The following NXF3 variants were observed in gnomAD, a reference collection of about 807,000 sequenced individuals.
The protein encoded by NXF3 is nuclear RNA export factor 3.
A neutral mutation model predicts 48.4 loss-of-function variants in NXF3; 34 were observed. That is an observed-to-expected ratio of 0.70 (90% CI 0.53 to 0.93). The LOEUF is 0.93. Ranked by LOEUF, NXF3 falls within the 40% of genes least tolerant of loss-of-function variation. The pLI is 0.00. For missense variants in NXF3, 359 were observed against 406.1 expected (o/e 0.88, Z 1.00); for synonymous variants, 132 against 145.7 (o/e 0.91, Z 0.68).
chrX:103,088,405 C>T, intron 1 of NXF3: 2 of 598,608 alleles, frequency 3.3e-6, no homozygotes, highest in East Asian at 6.8e-5. Flanking sequence ...AAAACATTGA[C>T]TTTGCGATTT....
rs1344811763 is a variant in NXF3, at chrX:103,077,667, G to T, written c.1531C>A (p.Pro511Thr). 4.1e-6 allele frequency: 5 copies of T among 1,211,286 alleles called. No homozygotes were observed. Among genetic ancestry groups the T allele is most frequent in the Non-Finnish European group, 5.6e-6 (5 of 895,091 alleles). ...GGCACGGAGCTGGAGAAGGCTGTGG[G>T]CACTAGGGTGAACAAGGCACTCTGG... The part of the protein sequence containing the change: ...GTQSALFTLV[P>T]TAFSSSVPAF... Residue 511 changes from proline to threonine, a missense_variant, in exon 18 of 20, where the codon CCC becomes ACC. Physicochemically the swap from Pro to Thr is conservative, Grantham distance 38. Transcript: ENST00000395065.
At chrX:103,085,717 C>T in intron 1 of NXF3, among the ~76,000 whole-genome samples, 1 of 109,137 alleles carries the variant, frequency 9.2e-6, no homozygotes, top group Non-Finnish European at 1.9e-5. Context: ...TGCTGGCTAA[C>T]ATGATGAAAC....
At chrX:103,086,953 G>A (rs920470152) in intron 1 of NXF3, among the ~76,000 whole-genome samples, 10 of 112,310 alleles carry the variant, frequency 8.9e-5, no homozygotes, top group Admixed American at 4.7e-4. Flanking sequence ...CTGGGCCCTC[G>A]CCAGCTCCAG....
chrX:103,079,508 G>T, intron 14 of NXF3, 34 bp from the exon 15 acceptor site: 1 of 1,185,312 alleles, frequency 8.4e-7, no homozygotes, highest in Middle Eastern at 2.3e-4. Context: ...GATTTGGGGG[G>T]CTGCCACACC....
Position 103,083,514 on chromosome X carries a change from G to T in NXF3, c.436-12C>A. 1 of 1,192,302 alleles carries T rather than the reference G, an allele frequency of 8.4e-7. No individual in the cohort carries two copies. The highest frequency in any genetic ancestry group is 1.1e-6 in the Non-Finnish European group (1 of 877,566). On this transcript the variant is annotated splice_polypyrimidine_tract_variant and intron_variant, in intron 4 of 19. Transcript: ENST00000395065. ...TTTTCATAGTGAAACTATAGGGAGA[G>T]TTGCAAGAGAAATGAAATATGAGGC... is the stretch of plus-strand genomic sequence containing the variant.
Position 103,075,826 on chromosome X carries a change from C to A in NXF3, c.*224G>T. 1 of 123,913 alleles carries A rather than the reference C, an allele frequency of 8.1e-6. No individual in the cohort carries two copies. Among genetic ancestry groups the A allele is most frequent in the Non-Finnish European group, 1.7e-5 (1 of 60,490 alleles). The allele number at this position is 123,913 out of a possible 1,213,427, so 10.2% of individuals were successfully genotyped here. A position where few individuals can be genotyped will look rare whatever the true frequency, so the allele number is the denominator to read the frequency against. On this transcript the variant is annotated 3_prime_UTR_variant, in exon 20 of 20. Coordinates refer to ENST00000395065, the MANE Select transcript of NXF3 (RefSeq NM_022052.2). ...TCAAATGGATTTTGCAGGGATTTGA[C>A]ATAACAAGACACCATACTTTATTGT... is the stretch of plus-strand genomic sequence containing the variant.
Position 103,083,668 on chromosome X carries a change from C to A in NXF3, c.376G>T (p.Glu126Ter). Residue 126 changes from glutamate to a stop codon, truncating the protein, a stop_gained, in exon 4 of 20, where the codon GAG becomes TAG. Coordinates refer to ENST00000395065, the MANE Select transcript of NXF3 (RefSeq NM_022052.2). LOFTEE classifies it high-confidence loss of function. ...ITVPFGIKYN[E>*]KWLLNLIQNE... is the part of the protein sequence containing the mutation. ...TGAATCAAATTCAGCAGCCACTTCT[C>A]ATTGTATTTTATGCCAAAGGGAACC... is the stretch of plus-strand genomic sequence containing the variant. The A allele has an allele frequency of 8.3e-7, 1 of 1,207,057 alleles. No homozygotes were observed. The highest frequency in any genetic ancestry group is 1.8e-5 in the South Asian group (1 of 56,830).
intron 3 of NXF3, 126 bp downstream of exon 3, chrX:103,084,216 C>T: frequency 1.3e-6 from 1 of 779,547 alleles, no homozygotes; most frequent in Non-Finnish European, 1.9e-6. Context: ...GATGTTAACT[C>T]CTAGTAATAA....
chrX:103,084,523 C>T (rs771930300), intron 2 of NXF3, 28 bp from the exon 3 acceptor site: 1 of 1,203,843 alleles, frequency 8.3e-7, no homozygotes, highest in South Asian at 1.8e-5. Context: ...AAAGGTAGTT[C>T]ACATATGCTC....
Position 103,079,568 on chromosome X carries a change from T to C in NXF3, c.1219+16A>G. On this transcript the variant is annotated intron_variant, in intron 14 of 19. Transcript: ENST00000395065. ...CACCCCCTTACCCTGCCCAGACTTC[T>C]CCATCACACACTTACAGGGGTCCTT... The C allele has an allele frequency of 8.3e-7, 1 of 1,207,406 alleles. No individual in the cohort carries two copies. The highest frequency in any genetic ancestry group is 1.1e-6 in the Non-Finnish European group (1 of 891,478).
rs376011627 is a variant in NXF3, at chrX:103,083,186, G to C, written c.621+7C>G. ...TGTGTGAACAACTTGCCATGAGTCT[G>C]TGTTACCTTTATCTGCTCCACCTTT... On this transcript the variant is annotated splice_region_variant and intron_variant, in intron 6 of 19. Coordinates refer to ENST00000395065, the MANE Select transcript of NXF3 (RefSeq NM_022052.2). 6 of 1,207,648 alleles carry C rather than the reference G, an allele frequency of 5.0e-6. No individual in the cohort carries two copies. In the African/African-American group the frequency reaches 1.1e-4, roughly 21 times the overall value.
In NXF3 at chrX:103,083,246, T is replaced by C. The variant is rs1922060787; in HGVS notation, c.568A>G (p.Ile190Val). 2.5e-6 allele frequency: 3 copies of C among 1,211,474 alleles called. No individual in the cohort carries two copies. Among genetic ancestry groups the C allele is most frequent in the Non-Finnish European group, 3.4e-6 (3 of 895,406 alleles). ...KISIFVNPAG[I>V]PHFVHRELKS... ...AGCTCCCTGTGCACAAAGTGGGGTA[T>C]GCCAGCAGGGTTGACAAAGATTGAT... Residue 190 changes from isoleucine to valine, a missense_variant, in exon 6 of 20, where the codon ATA (isoleucine) becomes GTA (valine). Transcript: ENST00000395065.
chrX:103,088,333 C>A, intron 1 of NXF3: 1 of 541,628 alleles, frequency 1.8e-6, no homozygotes, highest in South Asian at 2.5e-5. Flanking sequence ...TGAACAAACC[C>A]AAAGAACATT....
At chrX:103,077,511 C>A in intron 18 of NXF3, 103 bp downstream of exon 18, 9 of 995,235 alleles carry the variant, frequency 9.0e-6, no homozygotes, top group Non-Finnish European at 1.1e-5. Context: ...CTCGGCCTCC[C>A]AAAGTGCTGG....
At chrX:103,081,980 C>T (rs981856501) in intron 9 of NXF3, 12 of 329,570 alleles carry the variant, frequency 3.6e-5, no homozygotes, top group African/African-American at 1.8e-4. Context: ...GGGGGAGCCC[C>T]GCTTCCTGGA....
chrX:103,091,179 T>G (rs1406027562), intron 1 of NXF3, among the ~76,000 whole-genome samples: 1 of 112,075 alleles, frequency 8.9e-6, no homozygotes, highest in East Asian at 2.8e-4. Context: ...TTATGAGGCT[T>G]TATTTGCCTA....
intron 1 of NXF3, among the ~76,000 whole-genome samples, chrX:103,085,341 G>A (rs1241424016): frequency 8.9e-6 from 1 of 111,762 alleles, no homozygotes; most frequent in Non-Finnish European, 1.9e-5. Context: ...AATCTATGAT[G>A]ATAGTCCTTG....
intron 9 of NXF3, chrX:103,081,847 G>A (rs1190651631): frequency 4.5e-5 from 6 of 133,538 alleles, no homozygotes; most frequent in Non-Finnish European, 6.0e-5. Flanking sequence ...CTCTCGGGAC[G>A]GAGGAGGGAA....
rs201545793 is a variant in NXF3, at chrX:103,085,048, T to C, written c.29-165A>G. Among the ~76,000 whole-genome samples the C allele has an allele frequency of 7.2e-4, 81 of 112,082 alleles. 1 individual carries two copies. In the East Asian group the frequency reaches 0.022, roughly 31 times the overall value. ...GGCATGATCACCACTCACTGTGGCC[T>C]TGTCCTCTATGGCTTAAGAAATCCT... On this transcript the variant is annotated intron_variant, in intron 1 of 19. Transcript: ENST00000395065.
Sources: allele counts gnomAD v4.1 joint callset (sites outside exome capture counted in the v4.1 genomes callset), GRCh38; gene constraint gnomAD v4.1.1; transcripts MANE v1.5; gene names NCBI Gene and HGNC (gene_info 2026-07-23, HGNC 2026-07-21).